SYNJ2BP: variants seen among roughly 807,000 people sequenced by gnomAD.
SYNJ2BP encodes synaptojanin-2-binding protein.
Under a neutral mutation model 16.9 loss-of-function variants are expected in SYNJ2BP, and 10 were observed. That is an observed-to-expected ratio of 0.59 (90% confidence interval 0.36 to 1.00). SYNJ2BP has a LOEUF of 1.00. SYNJ2BP is among the 50% of genes least tolerant of loss of function. The pLI is 0.01. For synonymous variants in SYNJ2BP, 54 were observed against 68.4 expected, an observed-to-expected ratio of 0.79 and a Z score of 1.04; for missense variants, 162 against 186.7, an observed-to-expected ratio of 0.87 and a Z score of 0.77.
intron 1 of SYNJ2BP, among the ~76,000 whole-genome samples, chr14:70,391,976 C>G (rs1887990345): frequency 6.6e-6 from 1 of 152,214 alleles, no homozygotes; most frequent in South Asian, 2.1e-4. Flanking sequence ...AGAGTCACCA[C>G]AGCATTAAGT....
chr14:70,396,447 A>G (rs1056452704), intron 1 of SYNJ2BP, among the ~76,000 whole-genome samples: 1 of 152,166 alleles, frequency 6.6e-6, no homozygotes, highest in African/African-American at 2.4e-5. Flanking sequence ...GTATATACCT[A>G]GGAGTGGAAT....
rs1428774037 is a variant in SYNJ2BP, at chr14:70,367,780, T to G, written c.*5211A>C. On this transcript the variant is annotated 3_prime_UTR_variant, in exon 4 of 4. Transcript: ENST00000256366. ...GGTGAGAGGTAGACAGCTTCATAAC[T>G]CAATCTTCTACTACCAGGTGATGTT... 6.6e-6 allele frequency: 1 copy of G among 152,066 alleles called. No homozygotes were observed. Among genetic ancestry groups the G allele is most frequent in the Non-Finnish European group, 1.5e-5 (1 of 68,022 alleles). The allele number at this position is 152,066 out of a possible 1,614,324, so 9.4% of individuals were successfully genotyped here.
At chr14:70,384,900 A>G (rs1027547083) in intron 2 of SYNJ2BP, among the ~76,000 whole-genome samples, 1 of 152,174 alleles carries the variant, frequency 6.6e-6, no homozygotes, top group Non-Finnish European at 1.5e-5. Context: ...TAGTATCTTT[A>G]TAGCAGTGTG....
intron 2 of SYNJ2BP, among the ~76,000 whole-genome samples, chr14:70,379,142 C>T (rs960131838): frequency 2.0e-5 from 3 of 152,170 alleles, no homozygotes; most frequent in Admixed American, 2.0e-4. Context: ...GTTTAAAATA[C>T]TCTTAGTTGA....
intron 1 of SYNJ2BP, among the ~76,000 whole-genome samples, chr14:70,410,461 TATG>T (rs1258037256): frequency 6.6e-6 from 1 of 152,152 alleles, no homozygotes; most frequent in East Asian, 1.9e-4. Context: ...ATTATATTAT[TATG>T]ATATCTATCA....
chr14:70,367,463 G>T lies in SYNJ2BP; in HGVS notation c.*5528C>A, dbSNP rs1201902064. 1 of 149,370 alleles carries T rather than the reference G, an allele frequency of 6.7e-6. No homozygotes were observed. Among genetic ancestry groups the T allele is most frequent in the Non-Finnish European group, 1.5e-5 (1 of 67,690 alleles). The allele number at this position is 149,370 out of a possible 1,614,324, so 9.3% of individuals were successfully genotyped here. A position where few individuals can be genotyped will look rare whatever the true frequency, so the allele number is the denominator to read the frequency against. On this transcript the variant is annotated 3_prime_UTR_variant, in exon 4 of 4. Transcript: ENST00000256366. ...TGTAATCCCAACTACTGGGGAGGCT[G>T]AGGCAGGAGAATCGCTTGAACCCGG...
intron 1 of SYNJ2BP, among the ~76,000 whole-genome samples, chr14:70,402,680 GAA>G (rs1888265717): frequency 6.8e-6 from 1 of 146,842 alleles, no homozygotes; most frequent in Non-Finnish European, 1.5e-5. Flanking sequence ...AAAAAAAAAA[GAA>G]AGAAATTTTT....
chr14:70,389,506 C>T (rs544752637), intron 1 of SYNJ2BP, among the ~76,000 whole-genome samples: 2 of 151,690 alleles, frequency 1.3e-5, no homozygotes, highest in Admixed American at 6.6e-5. Flanking sequence ...TCCCTTCCTT[C>T]GCTACTTCAA....
intron 1 of SYNJ2BP, among the ~76,000 whole-genome samples, chr14:70,397,028 T>TGTTGCC (rs1209770982): frequency 1.3e-5 from 2 of 152,226 alleles, no homozygotes; most frequent in Non-Finnish European, 2.9e-5. Flanking sequence ...GCCTGTGCTT[T>TGTTGCC]TGGTATCACA....
At chr14:70,403,700 AAAATGGGCAACCAGCAGCTCTC>A (rs1888288822) in intron 1 of SYNJ2BP, among the ~76,000 whole-genome samples, 2 of 152,256 alleles carry the variant, frequency 1.3e-5, no homozygotes, top group South Asian at 4.1e-4. Context: ...AATAGCCATA[AAAATGGGCAACCAGCAGCTCTC>A]AGGGCTGCTC....
intron 1 of SYNJ2BP, among the ~76,000 whole-genome samples, chr14:70,405,662 T>G (rs777105475): frequency 6.6e-6 from 1 of 152,204 alleles, no homozygotes; most frequent in Non-Finnish European, 1.5e-5. Context: ...GAATCTTGTG[T>G]GTTCAAAGCT....
In SYNJ2BP at chr14:70,372,029, C is replaced by T. The variant is rs1887528277; in HGVS notation, c.*962G>A. 6.6e-6 allele frequency: 1 copy of T among 152,172 alleles called. No homozygotes were observed. The highest frequency in any genetic ancestry group is 6.5e-5 in the Admixed American group (1 of 15,276). 9.4% of individuals were successfully genotyped at this position (152,172 alleles called of 1,614,324 possible). A position where few individuals can be genotyped will look rare whatever the true frequency, so the allele number is the denominator to read the frequency against. The stretch of plus-strand genomic sequence containing the variant: ...CACCTCAAAGTTTTTTAGATGTGAG[C>T]AGCGCTGGATTATGGCAATTTACCT... On this transcript the variant is annotated 3_prime_UTR_variant, in exon 4 of 4. Transcript: ENST00000256366.
chr14:70,388,753 G>T, intron 1 of SYNJ2BP, 147 bp from the exon 2 acceptor site: 1 of 1,250,730 alleles, frequency 8.0e-7, no homozygotes, highest in Non-Finnish European at 1.0e-6. Flanking sequence ...GATGGAGCTG[G>T]TGAATGGTCA....
At chr14:70,380,055 A>G (rs781376722) in intron 2 of SYNJ2BP, among the ~76,000 whole-genome samples, 1 of 152,212 alleles carries the variant, frequency 6.6e-6, no homozygotes, top group African/African-American at 2.4e-5. Context: ...TTCATCTTAC[A>G]TGTATTAACT....
intron 1 of SYNJ2BP, among the ~76,000 whole-genome samples, chr14:70,413,387 C>T (rs955240320): frequency 1.3e-5 from 2 of 152,152 alleles, no homozygotes; most frequent in Non-Finnish European, 2.9e-5. Context: ...GCCTGTAATC[C>T]CAAAACTTTG....
intron 1 of SYNJ2BP, among the ~76,000 whole-genome samples, chr14:70,399,487 CT>C (rs1239993831): frequency 6.6e-6 from 1 of 152,200 alleles, no homozygotes; most frequent in Non-Finnish European, 1.5e-5. Context: ...GCAACAGAGG[CT>C]CCGGACCTGG....
chr14:70,372,893 C>G lies in SYNJ2BP; in HGVS notation c.*98G>C, dbSNP rs1199516100. ...GGGGTGGGTATCAGTCACTTCAAAT[C>G]TGGCTATGCAGAGAGAGGGAAAGAC... On this transcript the variant is annotated 3_prime_UTR_variant, in exon 4 of 4. Coordinates refer to ENST00000256366, the MANE Select transcript of SYNJ2BP (RefSeq NM_018373.3). 62 of 1,542,394 alleles carry G rather than the reference C, an allele frequency of 4.0e-5. No individual in the cohort carries two copies. Among genetic ancestry groups the G allele is most frequent in the African/African-American group, 5.4e-5 (4 of 73,444 alleles).
intron 1 of SYNJ2BP, among the ~76,000 whole-genome samples, chr14:70,412,820 C>T (rs1888517525): frequency 6.6e-6 from 1 of 152,060 alleles, no homozygotes; most frequent in African/African-American, 2.4e-5. Flanking sequence ...AAACAAGATT[C>T]CTAATCATAG....
At chr14:70,394,409 C>T (rs970164871) in intron 1 of SYNJ2BP, among the ~76,000 whole-genome samples, 1 of 149,106 alleles carries the variant, frequency 6.7e-6, no homozygotes, top group Non-Finnish European at 1.5e-5. Flanking sequence ...CATTTAAGGT[C>T]CAAAAGGAGT....
Sources: gnomAD v4.1 joint callset for allele counts (sites outside exome capture counted in the v4.1 genomes callset) on GRCh38, gnomAD v4.1.1 for gene constraint, MANE v1.5 for transcripts, NCBI Gene and HGNC (gene_info 2026-07-23, HGNC 2026-07-21) for gene names.